GALNTL6: variants seen among roughly 807,000 people sequenced by gnomAD.
GALNTL6 encodes the protein polypeptide N-acetylgalactosaminyltransferase like 6.
A neutral mutation model predicts 73.7 loss-of-function variants in GALNTL6; 46 were observed. The observed-to-expected ratio is 0.62, with a 90% CI of 0.49 to 0.80. The LOEUF is 0.80. Ranked by LOEUF, GALNTL6 falls within the 30% of genes least tolerant of loss-of-function variation. The pLI, the probability that GALNTL6 is intolerant of heterozygous loss-of-function variation, is 0.00. For synonymous variants in GALNTL6, 259 were observed against 263.7 expected, an observed-to-expected ratio of 0.98 and a Z score of 0.17; for missense variants, 604 against 755.0, an observed-to-expected ratio of 0.80 and a Z score of 2.34.
At chr4:172,415,837 C>G (rs1730810929) in intron 5 of GALNTL6, among the ~76,000 whole-genome samples, 1 of 152,060 alleles carries the variant, frequency 6.6e-6, no homozygotes, top group African/African-American at 2.4e-5. Context: ...TGGAACAGAA[C>G]AGGACAAGGA....
intron 4 of GALNTL6, among the ~76,000 whole-genome samples, chr4:172,329,398 C>T (rs1741049267): frequency 6.6e-6 from 1 of 152,170 alleles, no homozygotes; most frequent in Non-Finnish European, 1.5e-5. Flanking sequence ...CATAGGGCTG[C>T]TGCCATATGC....
intron 5 of GALNTL6, among the ~76,000 whole-genome samples, chr4:172,658,400 G>A (rs1460406318): frequency 1.2e-4 from 18 of 149,536 alleles, no homozygotes; most frequent in Admixed American, 4.0e-4. Context: ...CCGGGAGGCG[G>A]AGCTTGTAGT....
At chr4:172,126,366 A>G (rs1243643816) in intron 2 of GALNTL6, among the ~76,000 whole-genome samples, 1 of 152,196 alleles carries the variant, frequency 6.6e-6, no homozygotes. Context: ...ATGGCTGACT[A>G]CAGGCATCCG....
intron 5 of GALNTL6, among the ~76,000 whole-genome samples, chr4:172,410,343 C>T (rs1744386211): frequency 6.6e-6 from 1 of 151,910 alleles, no homozygotes; most frequent in Non-Finnish European, 1.5e-5. Context: ...ATCTCCAGAA[C>T]TCTATTATAT....
chr4:172,528,519 G>A (rs928460491), intron 5 of GALNTL6, among the ~76,000 whole-genome samples: 1 of 150,858 alleles, frequency 6.6e-6, no homozygotes, highest in African/African-American at 2.4e-5. Flanking sequence ...CACCACGCCC[G>A]GCTAATTTTT....
At position 172,939,975 on chromosome 4, in the gene GALNTL6, T is replaced by C. The variant is rs191819961; in HGVS notation, c.1149+8707T>C. 1.9e-4 allele frequency among the ~76,000 whole-genome samples: 29 copies of C among 152,282 alleles called. No individual in the cohort carries two copies. The East Asian group carries it at 5.2e-3, about 27-fold the overall frequency. On this transcript the variant is annotated intron_variant, in intron 9 of 12. Transcript: ENST00000506823. ...ATTTTGTTAGTTTAACAAATAACGA[T>C]AGAATCCCACATTACTTTTAAAAAT...
chr4:172,815,001 A>G (rs998153974), intron 7 of GALNTL6, among the ~76,000 whole-genome samples: 4 of 152,138 alleles, frequency 2.6e-5, no homozygotes, highest in Non-Finnish European at 4.4e-5. Context: ...CCAAAATTTC[A>G]TGGGTATTCA....
chr4:171,910,749 C>A (rs1280826117), intron 2 of GALNTL6, among the ~76,000 whole-genome samples: 1 of 152,002 alleles, frequency 6.6e-6, no homozygotes, highest in Admixed American at 6.6e-5. Context: ...TTAATTATAG[C>A]CACTTCAAAG....
At chr4:172,093,036 A>G (rs1948366) in intron 2 of GALNTL6, among the ~76,000 whole-genome samples, 147,627 of 151,990 alleles carry the variant, frequency 0.97, 71,839 homozygotes, top group East Asian at 1. Flanking sequence ...ACCACGCCTG[A>G]CTAATTTTTT....
rs1210040602 is a variant in GALNTL6 at position 173,040,411 on chromosome 4, C to T, written c.*311C>T. 6.4e-6 allele frequency: 2 copies of T among 313,398 alleles called. No homozygotes were observed. Among genetic ancestry groups the T allele is most frequent in the African/African-American group, 4.4e-5 (2 of 45,472 alleles). The allele number at this position is 313,398 out of a possible 1,614,324, so 19.4% of individuals were successfully genotyped here. On this transcript the variant is annotated 3_prime_UTR_variant, in exon 13 of 13. Transcript: ENST00000506823. ...ATCCTAGCATTTCTCAGGTCAAATC[C>T]TGCAGTAGTGAGTAGCTATGAATGG...
intron 5 of GALNTL6, among the ~76,000 whole-genome samples, chr4:172,550,850 G>A (rs753056507): frequency 1.3e-5 from 2 of 152,134 alleles, no homozygotes; most frequent in Non-Finnish European, 2.9e-5. Flanking sequence ...TTCAAGAATA[G>A]TGGTTCCCAA....
At position 171,814,593 on chromosome 4, in the gene GALNTL6, CAG is replaced by C; in HGVS notation, c.15_16del (p.Lys6GlufsTer18). 6.2e-7 allele frequency: 1 copy of C among 1,614,016 alleles called. No homozygotes were observed. The highest frequency in any genetic ancestry group is 8.5e-7 in the Non-Finnish European group (1 of 1,179,966). On this transcript the variant is annotated frameshift_variant, in exon 2 of 13. Transcript: ENST00000506823. LOFTEE classifies it high-confidence loss of function. Reference protein sequence around the residue: MKRKQKRFLQMTLLF... With the variant: MKRKXKRFLQMTLLF... ...GTTACCATTTGCAATGAAGAGGAAA[CAG>C]AAGAGATTTCTGCAGATGACTTTGT...
At chr4:172,852,083 T>G (rs1172557117) in intron 7 of GALNTL6, among the ~76,000 whole-genome samples, 1 of 152,152 alleles carries the variant, frequency 6.6e-6, no homozygotes, top group African/African-American at 2.4e-5. Flanking sequence ...ACATAAGAAG[T>G]GTCTAGGCAT....
intron 2 of GALNTL6, among the ~76,000 whole-genome samples, chr4:172,047,634 G>A (rs1742259647): frequency 6.6e-6 from 1 of 152,084 alleles, no homozygotes; most frequent in Admixed American, 6.6e-5. Context: ...GATTTTTGCA[G>A]TCAATATCAT....
intron 5 of GALNTL6, among the ~76,000 whole-genome samples, chr4:172,589,681 CTTA>C (rs1265288344): frequency 6.6e-6 from 1 of 152,210 alleles, no homozygotes; most frequent in African/African-American, 2.4e-5. Context: ...ACTTTTGATT[CTTA>C]TTGTGTGCAA....
chr4:172,563,618 A>C (rs898284027), intron 5 of GALNTL6, among the ~76,000 whole-genome samples: 1 of 152,220 alleles, frequency 6.6e-6, no homozygotes, highest in Non-Finnish European at 1.5e-5. Context: ...GAGGTTTTGA[A>C]ATACATATTT....
intron 2 of GALNTL6, among the ~76,000 whole-genome samples, chr4:171,946,737 G>A (rs1738712780): frequency 6.6e-6 from 1 of 152,190 alleles, no homozygotes; most frequent in African/African-American, 2.4e-5. Flanking sequence ...CACTTGTGAA[G>A]AGTCATGAGG....
chr4:173,019,464 G>A (rs868321708), intron 11 of GALNTL6, among the ~76,000 whole-genome samples: 1 of 152,138 alleles, frequency 6.6e-6, no homozygotes. Context: ...GGACAACAGA[G>A]GTGCACAGTG....
chr4:172,689,360 C>T (rs898466840), intron 5 of GALNTL6, among the ~76,000 whole-genome samples: 2 of 152,098 alleles, frequency 1.3e-5, no homozygotes, highest in Non-Finnish European at 2.9e-5. Flanking sequence ...TAACTTTCTC[C>T]ACATCAATAA....
Sources: gnomAD v4.1 joint callset for allele counts (sites outside exome capture counted in the v4.1 genomes callset) on GRCh38, gnomAD v4.1.1 for gene constraint, MANE v1.5 for transcripts, NCBI Gene and HGNC (gene_info 2026-07-23, HGNC 2026-07-21) for gene names.